Variants in GRIN2B observed in about 807,000 individuals in gnomAD.
The protein encoded by GRIN2B is glutamate receptor ionotropic, NMDA 2B.
A neutral mutation model predicts 114.5 loss-of-function variants in GRIN2B; 5 were observed. The observed-to-expected ratio is 0.04, with a 90% CI of 0.02 to 0.09. The LOEUF (loss-of-function observed/expected upper bound fraction) is 0.09. GRIN2B is among the 10% of genes least tolerant of loss of function. GRIN2B has a pLI of 1.00. For synonymous variants in GRIN2B, 787 were observed against 745.1 expected (o/e 1.06, Z -0.92); for missense variants, 1,108 against 1,943.5 (o/e 0.57, Z 8.08).
chr12:13,898,581 C>T (rs1463502956), intron 2 of GRIN2B, among the ~76,000 whole-genome samples: 1 of 152,192 alleles, frequency 6.6e-6, no homozygotes, highest in Non-Finnish European at 1.5e-5. Flanking sequence ...CCTTGTCTGC[C>T]TGTTACATTT....
rs949785264 is a variant in GRIN2B at position 13,547,708 on chromosome 12, T to C, written c.*15075A>G. On this transcript the variant is annotated 3_prime_UTR_variant, in exon 14 of 14. Coordinates refer to ENST00000609686, the MANE Select transcript of GRIN2B (RefSeq NM_000834.5). ...GAACAGAAGACTCTGCAGAGCATAA[T>C]GTTGCTATGGCTTGTTTTACTGAAG... is the stretch of plus-strand genomic sequence containing the variant. 6.6e-6 allele frequency: 1 copy of C among 152,064 alleles called. No homozygotes were observed. 9.4% of individuals were successfully genotyped at this position (152,064 alleles called of 1,614,324 possible).
intron 4 of GRIN2B, among the ~76,000 whole-genome samples, chr12:13,706,301 C>T (rs1950359519): frequency 6.6e-6 from 1 of 152,110 alleles, no homozygotes; most frequent in Non-Finnish European, 1.5e-5. Context: ...ACTGAATAGA[C>T]ATAAGAAATG....
chr12:13,645,009 C>A (rs1949749620), intron 5 of GRIN2B, among the ~76,000 whole-genome samples: 1 of 152,122 alleles, frequency 6.6e-6, no homozygotes, highest in African/African-American at 2.4e-5. Flanking sequence ...TATGTGTGTT[C>A]ACTGGAGTAG....
intron 2 of GRIN2B, among the ~76,000 whole-genome samples, chr12:13,894,536 A>C (rs1183802232): frequency 3.9e-5 from 6 of 152,176 alleles, no homozygotes; most frequent in Non-Finnish European, 8.8e-5. Flanking sequence ...GGAAGGAAAT[A>C]ACAGAACATT....
At chr12:13,760,710 C>T (rs1863663709) in intron 3 of GRIN2B, among the ~76,000 whole-genome samples, 1 of 152,120 alleles carries the variant, frequency 6.6e-6, no homozygotes, top group Admixed American at 6.5e-5. Flanking sequence ...CAGGGTTACC[C>T]AGCTGTCCTG....
Position 13,571,956 on chromosome 12 carries a change from T to C in GRIN2B, c.2019A>G (p.Arg673=). Residue 673 remains arginine, a synonymous_variant, in exon 11 of 14, where the codon AGA becomes AGG. Transcript: ENST00000609686. ...VSGLSDKKFQ[R]PNDFSPPFRF... ...GGAAAGGGGGTGAGAAGTCATTAGG[T>C]CTCTGGAACTGGAGAGAGAAAGACA... The C allele has an allele frequency of 6.2e-7, 1 of 1,613,414 alleles. No homozygotes were observed. Among genetic ancestry groups the C allele is most frequent in the African/African-American group, 1.3e-5 (1 of 74,974 alleles).
chr12:13,786,981 G>A (rs550144813), intron 3 of GRIN2B, among the ~76,000 whole-genome samples: 2 of 152,032 alleles, frequency 1.3e-5, no homozygotes, highest in Admixed American at 6.5e-5. Flanking sequence ...TATGTAGCAC[G>A]ATCCACCTCC....
Position 13,811,456 on chromosome 12 carries a change from C to T in GRIN2B, c.411+54342G>A, listed in dbSNP as rs543144053. Among the ~76,000 whole-genome samples the T allele has an allele frequency of 2.6e-5, 4 of 152,284 alleles. No individual in the cohort carries two copies. The East Asian group carries it at 5.8e-4, about 22-fold the overall frequency. ...ATTAGCTGGGCACAGTGGCATGTGC[C>T]TGCATTTTCAGCTACTTGGAAGACT... On this transcript the variant is annotated intron_variant, in intron 3 of 13. Coordinates refer to ENST00000609686, the MANE Select transcript of GRIN2B (RefSeq NM_000834.5).
intron 3 of GRIN2B, among the ~76,000 whole-genome samples, chr12:13,833,212 T>C (rs1237900890): frequency 6.6e-6 from 1 of 152,212 alleles, no homozygotes; most frequent in Non-Finnish European, 1.5e-5. Context: ...CTCATGGGTA[T>C]ATCATCAACC....
intron 3 of GRIN2B, among the ~76,000 whole-genome samples, chr12:13,829,331 G>T (rs566748473): frequency 1.3e-5 from 2 of 151,986 alleles, no homozygotes; most frequent in South Asian, 2.1e-4. Context: ...TATTTACTCC[G>T]GAATATCCAC....
chr12:13,915,520 C>T (rs529069924), intron 2 of GRIN2B, among the ~76,000 whole-genome samples: 17 of 152,294 alleles, frequency 1.1e-4, no homozygotes, highest in African/African-American at 4.1e-4. Flanking sequence ...GCTCCAGGCC[C>T]CTTGTAACAA....
chr12:13,794,198 ACT>A (rs1864372288), intron 3 of GRIN2B, among the ~76,000 whole-genome samples: 2 of 120,168 alleles, frequency 1.7e-5, no homozygotes, highest in Non-Finnish European at 3.3e-5. Flanking sequence ...ATAGTGTGAG[ACT>A]CTGTCTCAAA....
intron 2 of GRIN2B, among the ~76,000 whole-genome samples, chr12:13,869,828 G>A (rs969185237): frequency 6.6e-6 from 1 of 152,210 alleles, no homozygotes; most frequent in Admixed American, 6.5e-5. Flanking sequence ...CAGTGCCTGA[G>A]GATGGGCGAG....
chr12:13,946,793 T>C (rs1270026088), intron 2 of GRIN2B, among the ~76,000 whole-genome samples: 11 of 152,192 alleles, frequency 7.2e-5, no homozygotes, highest in Admixed American at 7.2e-4. Flanking sequence ...TACCACAGTT[T>C]AAAATATATA....
At chr12:13,638,845 C>A (rs2136504748) in intron 5 of GRIN2B, among the ~76,000 whole-genome samples, 1 of 152,160 alleles carries the variant, frequency 6.6e-6, no homozygotes, top group Non-Finnish European at 1.5e-5. Context: ...ATGGAAGGGT[C>A]TGAATTTTCT....
chr12:13,833,533 C>A (rs1412131908), intron 3 of GRIN2B, among the ~76,000 whole-genome samples: 2 of 152,158 alleles, frequency 1.3e-5, no homozygotes, highest in Non-Finnish European at 2.9e-5. Context: ...TCCTGAAGGA[C>A]CTCTGAGCCC....
In GRIN2B at chr12:13,564,683, A is replaced by C; in HGVS notation, c.2599-44T>G. On this transcript the variant is annotated intron_variant, in intron 13 of 13. Coordinates refer to ENST00000609686, the MANE Select transcript of GRIN2B (RefSeq NM_000834.5). The surrounding 1 kb of genome is among the most constrained non-coding windows in gnomAD (Gnocchi z 4.8). ...GACAGGTTAGATCTCCAGAGAGGCT[A>C]GAAATGACCACAAAAAACACTCTCC... 3.2e-6 allele frequency: 5 copies of C among 1,559,146 alleles called. No homozygotes were observed. The highest frequency in any genetic ancestry group is 1.1e-5 in the South Asian group (1 of 89,996).
intron 10 of GRIN2B, among the ~76,000 whole-genome samples, chr12:13,605,547 T>TGACACACA (rs1276977554): frequency 4.1e-5 from 2 of 49,042 alleles, no homozygotes; most frequent in Non-Finnish European, 9.4e-5. Context: ...TCTCTCTCTC[T>TGACACACA]CTCTGACACA....
chr12:13,691,846 T>C (rs1379733460), intron 4 of GRIN2B, among the ~76,000 whole-genome samples: 2 of 152,034 alleles, frequency 1.3e-5, no homozygotes, highest in African/African-American at 2.4e-5. Flanking sequence ...TCCAAGCAAG[T>C]AGGTGTTGGT....
Sources: allele counts gnomAD v4.1 joint callset (sites outside exome capture counted in the v4.1 genomes callset), GRCh38; gene constraint gnomAD v4.1.1; non-coding constraint Gnocchi (gnomAD v3.1); transcripts MANE v1.5; gene names NCBI Gene and HGNC (gene_info 2026-07-23, HGNC 2026-07-21).